The following CDIN1 variants were observed in gnomAD, a reference collection of about 807,000 sequenced individuals.
CDIN1 encodes the protein CDAN1 interacting nuclease 1, also known as CDAN1-interacting nuclease 1.
CDIN1 carries 33 observed loss-of-function variants against 45.3 expected under a neutral mutation model. The observed-to-expected ratio is 0.73, with a 90% CI of 0.55 to 0.97. The LOEUF (loss-of-function observed/expected upper bound fraction) is 0.97, where lower values mean the gene tolerates loss of function less well. Among genes scored for constraint, CDIN1 ranks in the 50% least tolerant of loss-of-function variants. CDIN1 has a pLI of 0.00. For missense variants in CDIN1, 303 were observed against 339.4 expected (o/e 0.89, Z 0.84); for synonymous variants, 118 against 124.4 (o/e 0.95, Z 0.34).
chr15:36,685,255 G>C (rs867926616), intron 5 of CDIN1, among the ~76,000 whole-genome samples: 1 of 151,238 alleles, frequency 6.6e-6, no homozygotes, highest in South Asian at 2.1e-4. Flanking sequence ...CTTTGAATGC[G>C]TCCCAGAGAT....
intron 8 of CDIN1, among the ~76,000 whole-genome samples, chr15:36,697,827 T>A (rs906166688): frequency 2.6e-5 from 4 of 152,200 alleles, no homozygotes; most frequent in African/African-American, 9.6e-5. Flanking sequence ...GCCTTTATTT[T>A]CATGCCAAAC....
chr15:36,747,763 T>C (rs2044495658), intron 10 of CDIN1, among the ~76,000 whole-genome samples: 1 of 152,184 alleles, frequency 6.6e-6, no homozygotes, highest in African/African-American at 2.4e-5. Flanking sequence ...CACTTTGACA[T>C]AGAGAACTCT....
intron 7 of CDIN1, 25 bp downstream of exon 7, chr15:36,692,200 G>A (rs748605336): frequency 6.2e-7 from 1 of 1,609,886 alleles, no homozygotes; most frequent in African/African-American, 1.3e-5. Context: ...AAAATTTTAG[G>A]TGCGCAATTG....
chr15:36,687,326 A>G (rs72706750), intron 5 of CDIN1, among the ~76,000 whole-genome samples: 5 of 152,322 alleles, frequency 3.3e-5, no homozygotes, highest in Non-Finnish European at 7.4e-5. Flanking sequence ...CTCGTAAGAC[A>G]TAATGACACA....
intron 10 of CDIN1, among the ~76,000 whole-genome samples, chr15:36,796,732 T>C (rs1370417765): frequency 6.6e-6 from 1 of 152,188 alleles, no homozygotes. Context: ...CCTTTTTAAC[T>C]CCCTAAACAG....
At chr15:36,594,918 G>A (rs1211101968) in intron 1 of CDIN1, 1 of 984,930 alleles carries the variant, frequency 1.0e-6, no homozygotes, top group Non-Finnish European at 1.2e-6. Context: ...GTTTAGTTGT[G>A]GTAAGTTCAT....
chr15:36,591,715 T>C (rs2037584759), intron 1 of CDIN1: 1 of 152,216 alleles, frequency 6.6e-6, no homozygotes, highest in Non-Finnish European at 1.5e-5. Context: ...CAGTGACTTA[T>C]AAAGCAAGCC....
intron 10 of CDIN1, among the ~76,000 whole-genome samples, chr15:36,789,801 T>C (rs1014403708): frequency 1.3e-5 from 2 of 152,142 alleles, no homozygotes; most frequent in Non-Finnish European, 2.9e-5. Flanking sequence ...CAACTGACTA[T>C]CTAAAGGCAT....
intron 1 of CDIN1, among the ~76,000 whole-genome samples, chr15:36,590,023 T>C (rs1350742917): frequency 1.3e-5 from 2 of 152,294 alleles, no homozygotes; most frequent in Non-Finnish European, 2.9e-5. Flanking sequence ...ATGAAACATA[T>C]AGTGAAGAGT....
At chr15:36,616,562 C>T (rs1284867532) in intron 1 of CDIN1, among the ~76,000 whole-genome samples, 1 of 152,022 alleles carries the variant, frequency 6.6e-6, no homozygotes, top group African/African-American at 2.4e-5. Context: ...GATAAGCCAA[C>T]ATTTTCTAGT....
chr15:36,656,522 A>G (rs1214279320), intron 4 of CDIN1, among the ~76,000 whole-genome samples: 1 of 152,176 alleles, frequency 6.6e-6, no homozygotes, highest in African/African-American at 2.4e-5. Flanking sequence ...TTCAAGTGAG[A>G]TTTGAAGCAC....
At chr15:36,592,128 A>G (rs1016884371) in intron 1 of CDIN1, among the ~76,000 whole-genome samples, 3 of 152,080 alleles carry the variant, frequency 2.0e-5, no homozygotes, top group South Asian at 2.1e-4. Context: ...AATGTTGTCA[A>G]TTTGTTTGAA....
intron 10 of CDIN1, among the ~76,000 whole-genome samples, chr15:36,720,611 C>T (rs111561686): frequency 0.079 from 12,040 of 152,138 alleles, 622 homozygotes; most frequent in Non-Finnish European, 0.12. Context: ...ATGAACTCAT[C>T]CTTCTTTGTA....
intron 10 of CDIN1, among the ~76,000 whole-genome samples, chr15:36,789,498 T>G (rs1427085700): frequency 6.6e-6 from 1 of 152,144 alleles, no homozygotes; most frequent in African/African-American, 2.4e-5. Context: ...AATTAATGGG[T>G]GAAGGAAGTC....
At chr15:36,589,504 C>G (rs1180996329) in intron 1 of CDIN1, among the ~76,000 whole-genome samples, 1 of 68,476 alleles carries the variant, frequency 1.5e-5, no homozygotes, top group Admixed American at 2.1e-4. Flanking sequence ...TTCTCCATTT[C>G]TTTTTTCTTT....
intron 1 of CDIN1, chr15:36,618,355 C>T (rs2038994831): frequency 1.5e-6 from 1 of 683,338 alleles, no homozygotes; most frequent in African/African-American, 1.8e-5. Context: ...TAGGAGCAAA[C>T]TTAACTTCAA....
chr15:36,613,707 A>C (rs2140282388), intron 1 of CDIN1: 8 of 1,521,992 alleles, frequency 5.3e-6, no homozygotes, highest in East Asian at 4.5e-5. Flanking sequence ...AAGCTAGAAG[A>C]AGCGGAAAAA....
chr15:36,585,908 C>G (rs6495846), intron 1 of CDIN1, among the ~76,000 whole-genome samples: 55,430 of 151,892 alleles, frequency 0.36, 10,271 homozygotes, highest in Middle Eastern at 0.46. Context: ...GAAATATAAC[C>G]ATAACTTGCT....
chr15:36,746,915 A>G (rs2044466787), intron 10 of CDIN1: 3 of 397,908 alleles, frequency 7.5e-6, no homozygotes, highest in African/African-American at 2.1e-5. Context: ...ATGCCCAGCT[A>G]ATTTTTCTAT....
Sources: gnomAD v4.1 joint callset for allele counts (sites outside exome capture counted in the v4.1 genomes callset) on GRCh38, gnomAD v4.1.1 for gene constraint, MANE v1.5 for transcripts, NCBI Gene and HGNC (gene_info 2026-07-23, HGNC 2026-07-21) for gene names.